DLG2: variants seen among roughly 807,000 people sequenced by gnomAD.
DLG2 encodes the protein discs large MAGUK scaffold protein 2, also known as disks large homolog 2.
A neutral mutation model predicts 132.5 loss-of-function variants in DLG2; 45 were observed. The observed-to-expected ratio is 0.34, with a 90% CI of 0.27 to 0.44. DLG2 has a LOEUF of 0.44. DLG2 is among the 20% of genes least tolerant of loss of function. DLG2 has a pLI of 1.00. For synonymous variants in DLG2, 424 were observed against 419.6 expected (o/e 1.01, Z -0.13); for missense variants, 1,045 against 1,196.9 (o/e 0.87, Z 1.87).
chr11:83,712,958 G>A (rs2153666352), intron 18 of DLG2, among the ~76,000 whole-genome samples: 1 of 145,764 alleles, frequency 6.9e-6, no homozygotes, highest in East Asian at 1.9e-4. Context: ...ATGTACCCCG[G>A]AACTTAAAAT....
chr11:85,069,222 C>CAA (rs1566783368), intron 6 of DLG2, among the ~76,000 whole-genome samples: 9 of 152,148 alleles, frequency 5.9e-5, no homozygotes. Context: ...TAGGCAATAC[C>CAA]ATTCAGGACA....
intron 10 of DLG2, among the ~76,000 whole-genome samples, chr11:84,074,453 T>C (rs2096796698): frequency 6.6e-6 from 1 of 152,152 alleles, no homozygotes; most frequent in Non-Finnish European, 1.5e-5. Flanking sequence ...CAACCACTTC[T>C]ACCCAAACAT....
At chr11:83,667,432 A>G (rs2075832399) in intron 18 of DLG2, among the ~76,000 whole-genome samples, 1 of 152,152 alleles carries the variant, frequency 6.6e-6, no homozygotes, top group South Asian at 2.1e-4. Context: ...TTCTGTTTTT[A>G]TTTCTGCCGA....
chr11:83,628,860 A>C (rs1172508172), intron 19 of DLG2, among the ~76,000 whole-genome samples: 2 of 152,186 alleles, frequency 1.3e-5, no homozygotes, highest in Non-Finnish European at 2.9e-5. Flanking sequence ...TTATTAAATC[A>C]AGTTAATGAG....
At chr11:85,095,421 C>A (rs770504085) in intron 6 of DLG2, among the ~76,000 whole-genome samples, 26 of 152,140 alleles carry the variant, frequency 1.7e-4, no homozygotes, top group Non-Finnish European at 3.4e-4. Context: ...GCTCTTCAAT[C>A]CCTACCACTT....
At chr11:84,997,446 G>C (rs1010282673) in intron 6 of DLG2, 3 of 152,164 alleles carry the variant, frequency 2.0e-5, no homozygotes, top group Admixed American at 1.3e-4. Context: ...TTCAGAAGAT[G>C]CATCTTGTTC....
chr11:84,383,249 T>C (rs747792911), intron 7 of DLG2, among the ~76,000 whole-genome samples: 39 of 152,014 alleles, frequency 2.6e-4, no homozygotes, highest in Admixed American at 5.3e-4. Context: ...TAGCACGGCG[T>C]CCATTCCCCC....
intron 15 of DLG2, among the ~76,000 whole-genome samples, chr11:83,892,765 T>G (rs1273343688): frequency 6.6e-6 from 1 of 151,970 alleles, no homozygotes; most frequent in Non-Finnish European, 1.5e-5. Context: ...AATAGAAGAT[T>G]CAGACATCCA....
chr11:85,501,671 C>T (rs189722254), intron 3 of DLG2, among the ~76,000 whole-genome samples: 2 of 152,296 alleles, frequency 1.3e-5, no homozygotes, highest in East Asian at 3.9e-4. Flanking sequence ...TGAAAAAATG[C>T]TCATCATCTC....
intron 18 of DLG2, among the ~76,000 whole-genome samples, chr11:83,689,521 C>A (rs1481492726): frequency 6.6e-6 from 1 of 152,102 alleles, no homozygotes; most frequent in African/African-American, 2.4e-5. Flanking sequence ...CTGACCTTTG[C>A]AAGTTGCTTA....
chr11:83,490,211 C>T lies in DLG2; in HGVS notation c.2194-5983G>A, dbSNP rs545772156. Among the ~76,000 whole-genome samples, 5 of 145,996 alleles carry T rather than the reference C, an allele frequency of 3.4e-5. No individual in the cohort carries two copies. In the South Asian group the frequency reaches 1.1e-3, roughly 31 times the overall value. ...AGCAGTATTAAATATAAACATGACACCAAACACAAAACAAATAAACAAAAC... is the reference window on the plus strand; with the variant it reads ...AGCAGTATTAAATATAAACATGACATCAAACACAAAACAAATAAACAAAAC... On this transcript the variant is annotated intron_variant, in intron 21 of 27. Coordinates refer to ENST00000376104, the MANE Select transcript of DLG2 (RefSeq NM_001142699.3).
At chr11:83,967,951 G>T (rs1458264245) in intron 12 of DLG2, among the ~76,000 whole-genome samples, 1 of 152,098 alleles carries the variant, frequency 6.6e-6, no homozygotes, top group African/African-American at 2.4e-5. Flanking sequence ...CATTTTCCCA[G>T]TATCATTCAT....
At chr11:84,813,796 T>C (rs1419533777) in intron 6 of DLG2, among the ~76,000 whole-genome samples, 1 of 151,966 alleles carries the variant, frequency 6.6e-6, no homozygotes, top group African/African-American at 2.4e-5. Flanking sequence ...CTAATGGTGA[T>C]TACAAACCTA....
chr11:84,509,066 C>T (rs892076562), intron 7 of DLG2, among the ~76,000 whole-genome samples: 1 of 152,204 alleles, frequency 6.6e-6, no homozygotes, highest in African/African-American at 2.4e-5. Flanking sequence ...TAGCAGACAC[C>T]TGAAGGCAGA....
chr11:84,936,244 T>TTATA (rs1202706620), intron 6 of DLG2, among the ~76,000 whole-genome samples: 15 of 152,182 alleles, frequency 9.9e-5, no homozygotes, highest in Non-Finnish European at 1.9e-4. Flanking sequence ...TCATTTTAAG[T>TTATA]TATATAAACT....
intron 6 of DLG2, among the ~76,000 whole-genome samples, chr11:84,670,611 C>T (rs1423653973): frequency 1.3e-5 from 2 of 152,122 alleles, no homozygotes; most frequent in African/African-American, 4.8e-5. Context: ...ACAATACAAA[C>T]CACTATTGAT....
intron 6 of DLG2, among the ~76,000 whole-genome samples, chr11:84,859,413 T>C (rs11234211): frequency 2.1e-5 from 3 of 144,630 alleles, no homozygotes. Context: ...TATACATATA[T>C]ATGTATACAT....
At chr11:84,141,592 C>T (rs1366185818) in intron 9 of DLG2, among the ~76,000 whole-genome samples, 1 of 152,026 alleles carries the variant, frequency 6.6e-6, no homozygotes, top group African/African-American at 2.4e-5. Flanking sequence ...CCTTTAGGGC[C>T]TTAAACTTTT....
chr11:84,546,168 G>A (rs2099389394), intron 6 of DLG2, among the ~76,000 whole-genome samples: 1 of 152,146 alleles, frequency 6.6e-6, no homozygotes, highest in South Asian at 2.1e-4. Flanking sequence ...GTGGGGCCTG[G>A]TGGGAGGTGA....
Sources: gnomAD v4.1 joint callset for allele counts (sites outside exome capture counted in the v4.1 genomes callset) on GRCh38, gnomAD v4.1.1 for gene constraint, MANE v1.5 for transcripts, NCBI Gene and HGNC (gene_info 2026-07-23, HGNC 2026-07-21) for gene names.